Variants in CIMIP7 observed in about 807,000 individuals in gnomAD.
The protein encoded by CIMIP7 is uncharacterized protein C3orf84.
the CIMIP7 span, chr3:49,178,016 TC>T: frequency 8.7e-6 from 14 of 1,608,794 alleles, no homozygotes; most frequent in Non-Finnish European, 8.5e-6. Context: ...TCCAGGTCCT[TC>T]CGCCTTCCGA....
the CIMIP7 span, among the ~76,000 whole-genome samples, chr3:49,190,533 T>C: frequency 6.6e-6 from 1 of 151,846 alleles, no homozygotes; most frequent in African/African-American, 2.4e-5. Flanking sequence ...TCTTGCTCTT[T>C]CACCCAGGCT....
chr3:49,179,067 A>T, the CIMIP7 span, among the ~76,000 whole-genome samples: 1 of 152,142 alleles, frequency 6.6e-6, no homozygotes, highest in South Asian at 2.1e-4. Context: ...CATATGACTG[A>T]GCTTTGGGTC....
chr3:49,178,600 C>A, the CIMIP7 span: 2 of 1,430,996 alleles, frequency 1.4e-6, no homozygotes, highest in Non-Finnish European at 9.7e-7. Flanking sequence ...CCACCCTTAC[C>A]TGGATCACTG....
the CIMIP7 span, among the ~76,000 whole-genome samples, chr3:49,182,990 G>A: frequency 6.6e-6 from 1 of 152,114 alleles, no homozygotes; most frequent in Non-Finnish European, 1.5e-5. Context: ...TTCCCCCTCT[G>A]GCCTCTCCCT....
the CIMIP7 span, among the ~76,000 whole-genome samples, chr3:49,191,135 C>T: frequency 6.6e-5 from 10 of 152,132 alleles, no homozygotes; most frequent in African/African-American, 9.7e-5. Flanking sequence ...TCCCTGGAGA[C>T]GATGGGTGTG....
At chr3:49,181,206 G>A in the CIMIP7 span, among the ~76,000 whole-genome samples, 1 of 151,032 alleles carries the variant, frequency 6.6e-6, no homozygotes, top group African/African-American at 2.4e-5. Flanking sequence ...GCTAGGTGTG[G>A]TGGTGGGCGC....
chr3:49,190,589 G>A, the CIMIP7 span, among the ~76,000 whole-genome samples: 1 of 151,098 alleles, frequency 6.6e-6, no homozygotes, highest in Admixed American at 6.6e-5. Context: ...TCCGCCTCCC[G>A]GGTTCAAGTC....
the CIMIP7 span, chr3:49,190,083 C>G: frequency 3.7e-6 from 6 of 1,612,204 alleles, no homozygotes; most frequent in Non-Finnish European, 5.1e-6. Flanking sequence ...GTGGTATTCT[C>G]TAGCACTTTC....
chr3:49,181,860 G>A, the CIMIP7 span, among the ~76,000 whole-genome samples: 6 of 152,204 alleles, frequency 3.9e-5, no homozygotes, highest in Non-Finnish European at 4.4e-5. Context: ...GGACCCTCGC[G>A]GTGAGTGTTA....
At chr3:49,179,333 CA>C in the CIMIP7 span, among the ~76,000 whole-genome samples, 2 of 152,214 alleles carry the variant, frequency 1.3e-5, no homozygotes, top group African/African-American at 2.4e-5. Context: ...TCCCTGCTTT[CA>C]AACTTACCCC....
chr3:49,177,979 A>C, the CIMIP7 span: 1 of 1,613,222 alleles, frequency 6.2e-7, no homozygotes, highest in East Asian at 2.2e-5. Flanking sequence ...TGCCCAGCGC[A>C]GGAAGGTGTG....
At chr3:49,184,440 G>A in the CIMIP7 span, among the ~76,000 whole-genome samples, 34 of 152,164 alleles carry the variant, frequency 2.2e-4, no homozygotes, top group East Asian at 2.5e-3. Context: ...TTATGCCTCC[G>A]CCTCCCAAGT....
chr3:49,185,395 T>C, the CIMIP7 span, among the ~76,000 whole-genome samples: 2 of 149,406 alleles, frequency 1.3e-5, no homozygotes, highest in South Asian at 2.1e-4. Flanking sequence ...TGAAACCCTG[T>C]CTCTACTAAA....
the CIMIP7 span, chr3:49,190,223 G>T: frequency 1.1e-6 from 1 of 915,320 alleles, no homozygotes; most frequent in Non-Finnish European, 1.7e-6. Flanking sequence ...GAGGGTTCCA[G>T]GAAAGCCAGA....
chr3:49,182,550 G>T, the CIMIP7 span, among the ~76,000 whole-genome samples: 10 of 152,198 alleles, frequency 6.6e-5, no homozygotes, highest in African/African-American at 2.4e-4. Flanking sequence ...CCCTTAGCTA[G>T]ACATAAAGGT....
chr3:49,187,863 T>C, the CIMIP7 span, among the ~76,000 whole-genome samples: 10 of 152,202 alleles, frequency 6.6e-5, no homozygotes, highest in Non-Finnish European at 1.2e-4. Flanking sequence ...TTATATAACC[T>C]GAATCCAAGA....
chr3:49,189,577 G>A, the CIMIP7 span, among the ~76,000 whole-genome samples: 1 of 152,314 alleles, frequency 6.6e-6, no homozygotes, highest in Admixed American at 6.5e-5. Flanking sequence ...CAAATGTGTA[G>A]GCCAGTAACC....
At chr3:49,177,662 A>G in the CIMIP7 span, 1 of 1,596,878 alleles carries the variant, frequency 6.3e-7, no homozygotes, top group Non-Finnish European at 8.6e-7. Context: ...AATGCTCTGG[A>G]CCAGTTTAGA....
the CIMIP7 span, among the ~76,000 whole-genome samples, chr3:49,180,044 G>A: frequency 2.0e-4 from 30 of 152,230 alleles, no homozygotes; most frequent in African/African-American, 4.6e-4. Flanking sequence ...AGGCCGAGGC[G>A]GACAGATCAC....
Sources: allele counts gnomAD v4.1 joint callset (sites outside exome capture counted in the v4.1 genomes callset), GRCh38; gene constraint gnomAD v4.1.1; transcripts MANE v1.5; gene names NCBI Gene and HGNC (gene_info 2026-07-23, HGNC 2026-07-21).